CEP135: variants seen among roughly 807,000 people sequenced by gnomAD.
CEP135 encodes centrosomal protein 135.
A neutral mutation model predicts 157.3 loss-of-function variants in CEP135; 142 were observed. The observed-to-expected ratio is 0.90, with a 90% CI of 0.79 to 1.04. CEP135 has a LOEUF of 1.04. Ranked by LOEUF, CEP135 falls within the 50% of genes least tolerant of loss-of-function variation. The pLI is 0.00. For missense variants in CEP135, 1,317 were observed against 1,309.2 expected, an observed-to-expected ratio of 1.01 and a Z score of -0.09; for synonymous variants, 396 against 439.8, an observed-to-expected ratio of 0.90 and a Z score of 1.25.
In CEP135 at chr4:56,020,666, T is replaced by C. The variant is rs757863154; in HGVS notation, c.3216-10T>C. The stretch of plus-strand genomic sequence containing the variant: ...ACGTTTATTTCTTGATTTTTTAATT[T>C]GTTTTTAAGAACTAGTCAAAGCCGG... On this transcript the variant is annotated splice_polypyrimidine_tract_variant and intron_variant, in intron 23 of 25. Transcript: ENST00000257287. 2 of 1,609,374 alleles carry C rather than the reference T, an allele frequency of 1.2e-6. No individual in the cohort carries two copies. The highest frequency in any genetic ancestry group is 4.5e-5 in the East Asian group (2 of 44,774).
chr4:56,022,212 T>C (rs1044057240), intron 24 of CEP135, among the ~76,000 whole-genome samples: 3 of 152,178 alleles, frequency 2.0e-5, no homozygotes, highest in Non-Finnish European at 4.4e-5. Flanking sequence ...TAAATCAAGC[T>C]CTCTATTGCC....
chr4:55,960,068 T>C (rs974583040), intron 6 of CEP135: 9 of 489,200 alleles, frequency 1.8e-5, no homozygotes, highest in Non-Finnish European at 2.8e-5. Flanking sequence ...TCGATTCTCT[T>C]CACTATTCAT....
intron 14 of CEP135, 45 bp from the exon 15 acceptor site, chr4:55,991,889 A>G: frequency 1.1e-6 from 1 of 930,952 alleles, no homozygotes; most frequent in South Asian, 2.1e-5. Context: ...AAATATCATT[A>G]ACGTATTAAG....
Position 55,953,095 on chromosome 4 carries a change from C to A in CEP135, c.124C>A (p.His42Asn). Residue 42 changes from histidine (H) to asparagine (N), a missense_variant, in exon 3 of 26, where the codon CAT (histidine) becomes AAT (asparagine). By Grantham distance (68) the His-to-Asn change is moderately conservative. Coordinates refer to ENST00000257287, the MANE Select transcript of CEP135 (RefSeq NM_025009.5). ...TTTCTGTTCTTTTAGCGACTTAGTTCATACAACTGAGAGCCTTCGGCAATC... is the reference window on the plus strand; with the variant it reads ...TTTCTGTTCTTTTAGCGACTTAGTTAATACAACTGAGAGCCTTCGGCAATC... The part of the protein sequence containing the change: ...LVEKLFSDLV[H>N]TTESLRQSKL... The A allele has an allele frequency of 1.3e-6, 2 of 1,571,904 alleles. No individual in the cohort carries two copies. Among genetic ancestry groups the A allele is most frequent in the South Asian group, 2.4e-5 (2 of 83,708 alleles).
chr4:55,996,969 C>T (rs943175298), intron 15 of CEP135, among the ~76,000 whole-genome samples: 12 of 152,176 alleles, frequency 7.9e-5, no homozygotes, highest in African/African-American at 2.9e-4. Context: ...TCTACCCAGT[C>T]ACATCTGCTA....
intron 13 of CEP135, among the ~76,000 whole-genome samples, chr4:55,984,871 C>T (rs544668514): frequency 5.2e-4 from 79 of 152,156 alleles, no homozygotes; most frequent in Non-Finnish European, 1.1e-3. Context: ...TATTGTGTTT[C>T]CTGTGTCTTT....
At chr4:55,991,273 A>G (rs1191399935) in intron 14 of CEP135, among the ~76,000 whole-genome samples, 1 of 151,176 alleles carries the variant, frequency 6.6e-6, no homozygotes, top group East Asian at 1.9e-4. Context: ...TATCTCATAA[A>G]GCAAGTATAC....
intron 14 of CEP135, 63 bp from the exon 15 acceptor site, chr4:55,991,871 C>A: frequency 3.7e-6 from 3 of 808,024 alleles, no homozygotes; most frequent in East Asian, 6.4e-5. Context: ...TTAAAGAGTG[C>A]CTAAGAAAAA....
intron 6 of CEP135, among the ~76,000 whole-genome samples, chr4:55,963,911 G>A (rs938924850): frequency 1.3e-5 from 2 of 152,112 alleles, no homozygotes; most frequent in Non-Finnish European, 2.9e-5. Flanking sequence ...ATTCTACCAG[G>A]AACTGAAGTA....
chr4:55,955,397 T>G (rs1369518676), intron 4 of CEP135, among the ~76,000 whole-genome samples: 1 of 152,172 alleles, frequency 6.6e-6, no homozygotes, highest in Non-Finnish European at 1.5e-5. Context: ...ATCATCTTAT[T>G]GTGTGCCTGA....
intron 17 of CEP135, among the ~76,000 whole-genome samples, chr4:56,005,896 CT>C (rs1189536063): frequency 6.6e-6 from 1 of 152,076 alleles, no homozygotes; most frequent in Non-Finnish European, 1.5e-5. Context: ...TCTTTTAGTA[CT>C]TTGAAAATGA....
chr4:56,009,297 A>T (rs929002081), intron 18 of CEP135, among the ~76,000 whole-genome samples: 3 of 151,954 alleles, frequency 2.0e-5, no homozygotes, highest in Non-Finnish European at 2.9e-5. Flanking sequence ...AAGTAGCTGG[A>T]CTACACGTGC....
intron 8 of CEP135, 24 bp downstream of exon 8, chr4:55,965,883 G>A: frequency 1.9e-6 from 3 of 1,559,116 alleles, no homozygotes; most frequent in Non-Finnish European, 2.6e-6. Context: ...TGTGTAGATT[G>A]TGAGAGTGTT....
intron 4 of CEP135, among the ~76,000 whole-genome samples, chr4:55,956,440 G>T (rs190038712): frequency 6.6e-6 from 1 of 152,228 alleles, no homozygotes; most frequent in Admixed American, 6.5e-5. Context: ...TCAGATTATA[G>T]CATGACTTTA....
rs1731390834 is a variant in CEP135, at chr4:56,032,525, A to G, written c.*1177A>G. On this transcript the variant is annotated 3_prime_UTR_variant, in exon 26 of 26. Transcript: ENST00000257287. Reference sequence around the variant, plus strand: ...ATTCCAATATACATTCAGTGATACCACTCTTTTTCTTCTAAGCCTGTGTGT... The same window carrying G: ...ATTCCAATATACATTCAGTGATACCGCTCTTTTTCTTCTAAGCCTGTGTGT... 6.6e-6 allele frequency: 1 copy of G among 151,588 alleles called. No individual in the cohort carries two copies. Among genetic ancestry groups the G allele is most frequent in the South Asian group, 2.1e-4 (1 of 4,800 alleles). 9.4% of individuals were successfully genotyped at this position (151,588 alleles called of 1,614,324 possible).
chr4:56,000,243 G>T (rs1021638984), intron 17 of CEP135, among the ~76,000 whole-genome samples: 1 of 152,106 alleles, frequency 6.6e-6, no homozygotes, highest in Non-Finnish European at 1.5e-5. Flanking sequence ...CATATGAGAT[G>T]TACATATTTT....
Position 56,009,754 on chromosome 4 carries a change from G to C in CEP135, c.2356G>C (p.Val786Leu), listed in dbSNP as rs1385223483. Residue 786 changes from valine to leucine, a missense_variant, in exon 19 of 26, where the codon GTT becomes CTT. Val to Leu is a conservative substitution (Grantham distance 32). Transcript: ENST00000257287. ...SSVNQLKETLVNRDREINSLR... is the reference protein window; with the variant it reads ...SSVNQLKETLLNRDREINSLR... ...TAACAGCCAGCTGAAAGAAACATTGGTTAATCGAGATCGTGAGATAAACAG... is the reference window on the plus strand; with the variant it reads ...TAACAGCCAGCTGAAAGAAACATTGCTTAATCGAGATCGTGAGATAAACAG... 1 of 1,608,474 alleles carries C rather than the reference G, an allele frequency of 6.2e-7. No individual in the cohort carries two copies. The highest frequency in any genetic ancestry group is 8.5e-7 in the Non-Finnish European group (1 of 1,178,826).
At position 56,017,682 on chromosome 4, in the gene CEP135, T is replaced by A. The variant is rs762030077; in HGVS notation, c.2837T>A (p.Ile946Asn). The A allele has an allele frequency of 1.2e-6, 2 of 1,613,410 alleles. No individual in the cohort carries two copies. The highest frequency in any genetic ancestry group is 1.7e-6 in the Non-Finnish European group (2 of 1,179,868). Reference protein sequence around the residue: ...INAHHAYESQISSMAKAMSRL... With the variant: ...INAHHAYESQNSSMAKAMSRL... ...GCCCATCATGCTTATGAATCTCAGA[T>A]CTCATCAATGGCAAAAGCCATGTCT... is the stretch of plus-strand genomic sequence containing the variant. The change falls in exon 22 of 26, where the codon ATC becomes AAC. Residue 946 changes from isoleucine to asparagine, a missense_variant. Transcript: ENST00000257287.
rs1729355699 is a variant in CEP135, at chr4:55,980,228, A to G, written c.1559A>G (p.Glu520Gly). 1.9e-5 allele frequency: 30 copies of G among 1,584,612 alleles called. No individual in the cohort carries two copies. Among genetic ancestry groups the G allele is most frequent in the Non-Finnish European group, 2.6e-5 (30 of 1,153,784 alleles). Residue 520 changes from glutamate (E) to glycine (G), a missense_variant, in exon 12 of 26, where the codon GAA (glutamate) becomes GGA (glycine). By Grantham distance (98) the Glu-to-Gly change is moderately conservative. Transcript: ENST00000257287. The stretch of plus-strand genomic sequence containing the variant: ...CTAGAAAGATTTGAAAAATATATGG[A>G]AGATATACAGTCCAATGTTAAATTA... Reference protein sequence around the residue: ...RMLERFEKYMEDIQSNVKLLT... With the variant: ...RMLERFEKYMGDIQSNVKLLT...
Sources: allele counts gnomAD v4.1 joint callset (sites outside exome capture counted in the v4.1 genomes callset), GRCh38; gene constraint gnomAD v4.1.1; transcripts MANE v1.5; gene names NCBI Gene and HGNC (gene_info 2026-07-23, HGNC 2026-07-21).